The following CNBD1 variants were observed in gnomAD, a reference collection of about 807,000 sequenced individuals.
The protein encoded by CNBD1 is cyclic nucleotide binding domain containing 1.
CNBD1 carries 71 observed loss-of-function variants against 54.4 expected under a neutral mutation model. The observed-to-expected ratio is 1.30, with a 90% confidence interval of 1.08 to 1.59. CNBD1 has a LOEUF of 1.59. Among genes scored for constraint, CNBD1 ranks in the 40% most tolerant of loss-of-function variants. The probability of loss-of-function intolerance (pLI) is 0.00; values close to 1 mark genes in which losing one functional copy is unlikely to be tolerated. For missense variants in CNBD1, 659 were observed against 518.0 expected, an observed-to-expected ratio of 1.27 and a Z score of -2.64; for synonymous variants, 182 against 170.7, an observed-to-expected ratio of 1.07 and a Z score of -0.51.
chr8:87,361,622 G>A (rs1810525471), intron 10 of CNBD1, among the ~76,000 whole-genome samples: 1 of 151,138 alleles, frequency 6.6e-6, no homozygotes, highest in East Asian at 1.9e-4. Context: ...TCAAAGTATA[G>A]ATTTTGCATA....
intron 4 of CNBD1, among the ~76,000 whole-genome samples, chr8:87,178,990 C>T (rs1268086947): frequency 6.6e-6 from 1 of 152,154 alleles, no homozygotes; most frequent in Non-Finnish European, 1.5e-5. Flanking sequence ...TCACCGCAAC[C>T]TCTGCCTCCT....
intron 5 of CNBD1, among the ~76,000 whole-genome samples, chr8:87,216,934 A>G (rs1443338628): frequency 2.6e-5 from 4 of 152,140 alleles, no homozygotes; most frequent in Non-Finnish European, 5.9e-5. Context: ...AATCAGTGCC[A>G]TTGCTTTTAC....
intron 2 of CNBD1, among the ~76,000 whole-genome samples, chr8:87,394,799 T>C (rs2130972449): frequency 6.6e-6 from 1 of 152,044 alleles, no homozygotes; most frequent in South Asian, 2.1e-4. Context: ...TTATAAATGT[T>C]TAAATTTTAT....
At chr8:87,069,898 A>G (rs1479903187) in intron 4 of CNBD1, among the ~76,000 whole-genome samples, 1 of 152,118 alleles carries the variant, frequency 6.6e-6, no homozygotes, top group African/African-American at 2.4e-5. Context: ...TTACTCATTC[A>G]TAATAGTGTG....
intron 4 of CNBD1, among the ~76,000 whole-genome samples, chr8:86,940,811 T>A (rs1809642124): frequency 6.6e-6 from 1 of 152,210 alleles, no homozygotes; most frequent in Non-Finnish European, 1.5e-5. Flanking sequence ...ATTAAAAATT[T>A]GACATTTATG....
intron 4 of CNBD1, among the ~76,000 whole-genome samples, chr8:86,998,677 A>T (rs1808931082): frequency 6.6e-6 from 1 of 152,240 alleles, no homozygotes; most frequent in African/African-American, 2.4e-5. Flanking sequence ...ACAACTGTAT[A>T]TCACTGGCCC....
At chr8:86,935,202 A>AT (rs1275476571) in intron 3 of CNBD1, among the ~76,000 whole-genome samples, 3 of 151,760 alleles carry the variant, frequency 2.0e-5, no homozygotes, top group Non-Finnish European at 2.9e-5. Context: ...TGCCTGGCTA[A>AT]TTTTTTTGTA....
chr8:87,053,476 T>C (rs1357516844), intron 4 of CNBD1, among the ~76,000 whole-genome samples: 1 of 152,168 alleles, frequency 6.6e-6, no homozygotes, highest in Non-Finnish European at 1.5e-5. Flanking sequence ...GAGAAGGCAT[T>C]CCTTAGTCTC....
intron 4 of CNBD1, among the ~76,000 whole-genome samples, chr8:86,961,744 C>A (rs1807933773): frequency 6.6e-6 from 1 of 152,258 alleles, no homozygotes; most frequent in Non-Finnish European, 1.5e-5. Flanking sequence ...CTCAGGCTTC[C>A]TGTTCCACCA....
chr8:86,888,508 G>A (rs1312340343), intron 2 of CNBD1, among the ~76,000 whole-genome samples: 1 of 152,036 alleles, frequency 6.6e-6, no homozygotes, highest in East Asian at 1.9e-4. Flanking sequence ...ACTTTAGACT[G>A]CTTACTACAT....
At chr8:87,325,725 A>G (rs1369088102) in intron 8 of CNBD1, among the ~76,000 whole-genome samples, 1 of 140,430 alleles carries the variant, frequency 7.1e-6, no homozygotes, top group Non-Finnish European at 1.5e-5. Flanking sequence ...TTTCCTGAAT[A>G]CAACACACTG....
At chr8:87,372,628 A>G (rs1332390645) in intron 10 of CNBD1, among the ~76,000 whole-genome samples, 1 of 151,864 alleles carries the variant, frequency 6.6e-6, no homozygotes, top group Admixed American at 6.6e-5. Context: ...CAATCTAGTA[A>G]TAGCTTTTTT....
intron 9 of CNBD1, among the ~76,000 whole-genome samples, chr8:87,352,645 A>G (rs56138610): frequency 0.012 from 1,900 of 152,290 alleles, 20 homozygotes; most frequent in South Asian, 0.033. Context: ...TCTCAAACAT[A>G]CTATGTAGGG....
intron 4 of CNBD1, among the ~76,000 whole-genome samples, chr8:87,160,717 T>C (rs1250357445): frequency 6.6e-6 from 1 of 152,058 alleles, no homozygotes; most frequent in Non-Finnish European, 1.5e-5. Context: ...CTTGAACTAA[T>C]AAGGGATAGG....
At chr8:87,229,313 A>G (rs1005822382) in intron 5 of CNBD1, among the ~76,000 whole-genome samples, 6 of 152,056 alleles carry the variant, frequency 3.9e-5, no homozygotes, top group Non-Finnish European at 8.8e-5. Context: ...TTTTAAATAC[A>G]TGAAATCGTT....
chr8:87,058,425 A>T (rs1810471382), intron 4 of CNBD1, among the ~76,000 whole-genome samples: 1 of 152,096 alleles, frequency 6.6e-6, no homozygotes, highest in South Asian at 2.1e-4. Flanking sequence ...CTGTGTGGGG[A>T]TTCCAACCCC....
chr8:87,422,904 G>A (rs1242844070), intron 2 of CNBD1, among the ~76,000 whole-genome samples: 2 of 152,112 alleles, frequency 1.3e-5, no homozygotes, highest in Non-Finnish European at 2.9e-5. Flanking sequence ...TCCTACCCAT[G>A]AGCATGGAAT....
At chr8:86,883,319 C>T (rs1808631881) in intron 1 of CNBD1, among the ~76,000 whole-genome samples, 1 of 152,072 alleles carries the variant, frequency 6.6e-6, no homozygotes, top group South Asian at 2.1e-4. Context: ...TTTTGGTTAT[C>T]TTGAGTTTGC....
intron 4 of CNBD1, among the ~76,000 whole-genome samples, chr8:87,149,023 T>A (rs553992122): frequency 1.3e-5 from 2 of 152,314 alleles, no homozygotes; most frequent in South Asian, 4.1e-4. Context: ...AGAATTCATA[T>A]CACAAAGGTG....
Sources: gnomAD v4.1 joint callset for allele counts (sites outside exome capture counted in the v4.1 genomes callset) on GRCh38, gnomAD v4.1.1 for gene constraint, MANE v1.5 for transcripts, NCBI Gene and HGNC (gene_info 2026-07-23, HGNC 2026-07-21) for gene names.